Variants in SETBP1 observed in about 807,000 individuals in gnomAD.
SETBP1 encodes the protein SET binding protein 1, also known as SET-binding protein.
Under a neutral mutation model 101.0 loss-of-function variants are expected in SETBP1, and 9 were observed. The ratio of observed to expected loss-of-function variants is 0.09; its 90% CI spans 0.05 to 0.16. The LOEUF (loss-of-function observed/expected upper bound fraction) is 0.16. Ranked by LOEUF, SETBP1 falls within the 10% of genes least tolerant of loss-of-function variation. The pLI, the probability that SETBP1 is intolerant of heterozygous loss-of-function variation, is 1.00. For synonymous variants in SETBP1, 818 were observed against 788.5 expected, an observed-to-expected ratio of 1.04 and a Z score of -0.63; for missense variants, 1,858 against 2,033.8, an observed-to-expected ratio of 0.91 and a Z score of 1.66.
At chr18:44,876,193 G>C (rs996535741) in intron 3 of SETBP1, among the ~76,000 whole-genome samples, 2 of 152,180 alleles carry the variant, frequency 1.3e-5, no homozygotes, top group African/African-American at 4.8e-5. Flanking sequence ...AAACTGATAT[G>C]AGACAGAGGT....
At chr18:44,941,552 C>G (rs979278112) in intron 3 of SETBP1, among the ~76,000 whole-genome samples, 12 of 152,116 alleles carry the variant, frequency 7.9e-5, no homozygotes, top group African/African-American at 2.9e-4. Context: ...TATGTATACA[C>G]TAATCTTTTG....
chr18:44,776,384 G>A (rs2071004076), intron 2 of SETBP1, among the ~76,000 whole-genome samples: 1 of 152,086 alleles, frequency 6.6e-6, no homozygotes, highest in South Asian at 2.1e-4. Flanking sequence ...TTTCTAAAAG[G>A]CCAAAGAAAA....
At chr18:44,848,372 T>G (rs2072770529) in intron 2 of SETBP1, among the ~76,000 whole-genome samples, 1 of 152,196 alleles carries the variant, frequency 6.6e-6, no homozygotes, top group Non-Finnish European at 1.5e-5. Context: ...CACCTGGGTC[T>G]GTGCCCTCCT....
chr18:44,926,547 G>C (rs986364431), intron 3 of SETBP1, among the ~76,000 whole-genome samples: 3 of 152,044 alleles, frequency 2.0e-5, no homozygotes, highest in Non-Finnish European at 4.4e-5. Flanking sequence ...TGGATTCAGG[G>C]AATTTCTGAA....
chr18:44,717,712 A>G (rs1295367542), intron 2 of SETBP1, among the ~76,000 whole-genome samples: 1 of 152,194 alleles, frequency 6.6e-6, no homozygotes, highest in Non-Finnish European at 1.5e-5. Context: ...TAAACACACC[A>G]TTTCTTCCCT....
At chr18:44,764,103 A>G (rs1229310154) in intron 2 of SETBP1, among the ~76,000 whole-genome samples, 1 of 152,176 alleles carries the variant, frequency 6.6e-6, no homozygotes, top group Non-Finnish European at 1.5e-5. Context: ...AAACCCTCCC[A>G]TGGCTCCCCA....
chr18:44,872,849 G>C (rs2069310102), intron 3 of SETBP1, among the ~76,000 whole-genome samples: 1 of 152,224 alleles, frequency 6.6e-6, no homozygotes, highest in Admixed American at 6.5e-5. Context: ...GTGGAACAGT[G>C]ATGTGACAAC....
chr18:44,944,885 A>G (rs572448999), intron 3 of SETBP1, among the ~76,000 whole-genome samples: 1 of 152,192 alleles, frequency 6.6e-6, no homozygotes, highest in Admixed American at 6.5e-5. Flanking sequence ...TAGGTCACTC[A>G]TTTGCTTCCC....
In SETBP1 at chr18:44,701,231, C is replaced by T. The variant is rs905386208; in HGVS notation, c.-116C>T. The T allele has an allele frequency of 8.5e-7, 1 of 1,176,964 alleles. No individual in the cohort carries two copies. The highest frequency in any genetic ancestry group is 1.2e-6 in the Non-Finnish European group (1 of 857,246). 72.9% of individuals were successfully genotyped at this position (1,176,964 alleles called of 1,614,324 possible). On this transcript the variant is annotated 5_prime_UTR_variant, in exon 2 of 6. Coordinates refer to ENST00000649279, the MANE Select transcript of SETBP1 (RefSeq NM_015559.3). The stretch of plus-strand genomic sequence containing the variant: ...CGTGTCTCCATCCCTGGGAATCTGA[C>T]CCTAGCAACTGGACCACTTTGTTCT...
chr18:45,014,799 G>T (rs1219852822), intron 4 of SETBP1, among the ~76,000 whole-genome samples: 1 of 151,860 alleles, frequency 6.6e-6, no homozygotes, highest in Non-Finnish European at 1.5e-5. Flanking sequence ...TGAATATAAT[G>T]CTCCAACAAA....
intron 2 of SETBP1, among the ~76,000 whole-genome samples, chr18:44,845,960 G>A (rs1331354420): frequency 6.6e-6 from 1 of 152,186 alleles, no homozygotes; most frequent in African/African-American, 2.4e-5. Flanking sequence ...TCTGAATTTG[G>A]CTTTCCTTCT....
intron 4 of SETBP1, among the ~76,000 whole-genome samples, chr18:44,957,282 A>G (rs1011399629): frequency 5.9e-5 from 9 of 152,116 alleles, no homozygotes; most frequent in African/African-American, 1.9e-4. Context: ...GACATTTTCT[A>G]TTCAGACCAC....
intron 4 of SETBP1, among the ~76,000 whole-genome samples, chr18:44,968,545 G>A (rs1360695305): frequency 3.3e-5 from 5 of 152,160 alleles, no homozygotes; most frequent in Non-Finnish European, 7.3e-5. Context: ...GGCCTTGAGA[G>A]GGCGCTGCCA....
rs549358700 is a variant in SETBP1 at position 44,751,648 on chromosome 18, G to A, written c.486+49816G>A. Among the ~76,000 whole-genome samples, 14 of 152,202 alleles carry A rather than the reference G, an allele frequency of 9.2e-5. No individual in the cohort carries two copies. The South Asian group carries it at 1.2e-3, about 14-fold the overall frequency. The stretch of plus-strand genomic sequence containing the variant: ...TTATAATGCCAGAAACTTGAAAGGA[G>A]GAACTATGCTTTTTCGTATTTCTCA... On this transcript the variant is annotated intron_variant, in intron 2 of 5. Coordinates refer to ENST00000649279, the MANE Select transcript of SETBP1 (RefSeq NM_015559.3).
chr18:44,748,565 C>A (rs2070313500), intron 2 of SETBP1, among the ~76,000 whole-genome samples: 1 of 152,190 alleles, frequency 6.6e-6, no homozygotes, highest in Non-Finnish European at 1.5e-5. Flanking sequence ...TGCAGTGGGT[C>A]AGTTGATATC....
intron 2 of SETBP1, among the ~76,000 whole-genome samples, chr18:44,823,148 G>T (rs772940605): frequency 6.6e-6 from 1 of 152,120 alleles, no homozygotes; most frequent in Non-Finnish European, 1.5e-5. Flanking sequence ...GAATAAGAGA[G>T]AATTTATCTT....
intron 2 of SETBP1, among the ~76,000 whole-genome samples, chr18:44,787,088 T>C (rs1012240521): frequency 6.6e-6 from 1 of 152,192 alleles, no homozygotes; most frequent in Non-Finnish European, 1.5e-5. Flanking sequence ...TGTAGTAACA[T>C]AGAAGGGACA....
intron 4 of SETBP1, among the ~76,000 whole-genome samples, chr18:45,026,628 T>A (rs1282720629): frequency 6.6e-6 from 1 of 152,230 alleles, no homozygotes; most frequent in Non-Finnish European, 1.5e-5. Flanking sequence ...TTGGTCTTAC[T>A]TACATGCACG....
chr18:44,836,727 G>T (rs911126872), intron 2 of SETBP1, among the ~76,000 whole-genome samples: 54 of 152,332 alleles, frequency 3.5e-4, no homozygotes, highest in African/African-American at 1.2e-3. Context: ...CCACAGTGAT[G>T]AACTTACCGA....
Sources: gnomAD v4.1 joint callset for allele counts (sites outside exome capture counted in the v4.1 genomes callset) on GRCh38, gnomAD v4.1.1 for gene constraint, MANE v1.5 for transcripts, NCBI Gene and HGNC (gene_info 2026-07-23, HGNC 2026-07-21) for gene names.